Variants in ZNF704 observed in about 807,000 individuals in gnomAD.
ZNF704 encodes glucocorticoid induced gene 1.
Under a neutral mutation model 44.7 loss-of-function variants are expected in ZNF704, and 10 were observed. That is an observed-to-expected ratio of 0.22 (90% CI 0.14 to 0.38). The LOEUF is 0.38. ZNF704 is among the 10% of genes least tolerant of loss of function. ZNF704 has a pLI of 1.00. For missense variants in ZNF704, 390 were observed against 545.5 expected (o/e 0.71, Z 2.84); for synonymous variants, 211 against 207.6 (o/e 1.02, Z -0.14).
chr8:80,742,689 G>A (rs776599090), intron 2 of ZNF704, among the ~76,000 whole-genome samples: 25 of 151,978 alleles, frequency 1.6e-4, no homozygotes, highest in Non-Finnish European at 3.5e-4. Flanking sequence ...AAGATCTACC[G>A]AGGACCCCTG....
At chr8:80,703,656 G>C (rs1212913935) in intron 2 of ZNF704, among the ~76,000 whole-genome samples, 1 of 152,026 alleles carries the variant, frequency 6.6e-6, no homozygotes, top group Admixed American at 6.6e-5. Context: ...TTAAGTTTCT[G>C]TAGAGACGGG....
intron 2 of ZNF704, among the ~76,000 whole-genome samples, chr8:80,793,633 T>C (rs901660449): frequency 6.6e-6 from 1 of 152,056 alleles, no homozygotes. Context: ...AAACGGCTGG[T>C]TTATGGATGC....
chr8:80,811,413 T>A (rs1808079922), intron 2 of ZNF704, among the ~76,000 whole-genome samples: 1 of 152,234 alleles, frequency 6.6e-6, no homozygotes, highest in Non-Finnish European at 1.5e-5. Flanking sequence ...ACCTTTTTTT[T>A]TGGTGACTAG....
intron 2 of ZNF704, among the ~76,000 whole-genome samples, chr8:80,743,959 A>C (rs930823618): frequency 6.6e-6 from 1 of 152,198 alleles, no homozygotes; most frequent in African/African-American, 2.4e-5. Context: ...CTCTAAGAAA[A>C]AACAAAACTT....
chr8:80,839,778 C>T (rs1196465082), intron 1 of ZNF704, among the ~76,000 whole-genome samples: 1 of 152,174 alleles, frequency 6.6e-6, no homozygotes, highest in African/African-American at 2.4e-5. Context: ...TTCCAGCCTG[C>T]TCCTGATCCT....
intron 2 of ZNF704, among the ~76,000 whole-genome samples, chr8:80,789,439 C>T (rs1397447003): frequency 6.6e-6 from 1 of 152,128 alleles, no homozygotes; most frequent in African/African-American, 2.4e-5. Flanking sequence ...AACCCAAGAA[C>T]ACTACAAAGA....
chr8:80,726,575 T>C (rs1806483980), intron 2 of ZNF704, among the ~76,000 whole-genome samples: 1 of 152,080 alleles, frequency 6.6e-6, no homozygotes. Context: ...TGGGATTTGC[T>C]CTTAAAATAC....
At chr8:80,723,608 T>C (rs75649760) in intron 2 of ZNF704, among the ~76,000 whole-genome samples, 5,376 of 152,318 alleles carry the variant, frequency 0.035, 340 homozygotes, top group African/African-American at 0.12. Flanking sequence ...CAAATCTCTA[T>C]GGTATTTAGA....
chr8:80,702,278 C>T lies in ZNF704; in HGVS notation c.222-9171G>A, dbSNP rs182202947. Among the ~76,000 whole-genome samples, 246 of 152,266 alleles carry T rather than the reference C, an allele frequency of 1.6e-3. 3 individuals are homozygous for T. Among genetic ancestry groups the T allele is most frequent in the Non-Finnish European group, 2.1e-3 (146 of 68,030 alleles). ...TCTCTCCTCAGAAGCAGGTAGGTTTCTCTGTGGAGAGTGGAGAGGACATTG... is the reference window on the plus strand; with the variant it reads ...TCTCTCCTCAGAAGCAGGTAGGTTTTTCTGTGGAGAGTGGAGAGGACATTG... On this transcript the variant is annotated intron_variant, in intron 2 of 8. Coordinates refer to ENST00000327835, the MANE Select transcript of ZNF704 (RefSeq NM_001033723.3).
intron 1 of ZNF704, among the ~76,000 whole-genome samples, chr8:80,872,553 G>A (rs1025642124): frequency 3.9e-5 from 6 of 151,980 alleles, no homozygotes; most frequent in African/African-American, 1.5e-4. Flanking sequence ...ATGTTATTCA[G>A]CTGATTTTAG....
chr8:80,835,524 G>A (rs1167528985), intron 1 of ZNF704, among the ~76,000 whole-genome samples: 1 of 152,218 alleles, frequency 6.6e-6, no homozygotes, highest in Non-Finnish European at 1.5e-5. Context: ...AAGGAGCAGG[G>A]AGGGGACGAG....
intron 2 of ZNF704, among the ~76,000 whole-genome samples, chr8:80,795,869 G>T (rs1005811145): frequency 5.3e-5 from 8 of 152,274 alleles, no homozygotes; most frequent in African/African-American, 1.9e-4. Flanking sequence ...TACACATTGT[G>T]CAGGACTACT....
At chr8:80,726,453 G>A (rs550344044) in intron 2 of ZNF704, among the ~76,000 whole-genome samples, 1 of 152,184 alleles carries the variant, frequency 6.6e-6, no homozygotes, top group South Asian at 2.1e-4. Flanking sequence ...TAATAATGAA[G>A]AACTATTTTA....
At chr8:80,868,396 C>G (rs75389256) in intron 1 of ZNF704, among the ~76,000 whole-genome samples, 5,479 of 152,286 alleles carry the variant, frequency 0.036, 339 homozygotes, top group African/African-American at 0.13. Context: ...TTAGTAGCAT[C>G]TATCTCTGTT....
intron 2 of ZNF704, among the ~76,000 whole-genome samples, chr8:80,761,761 A>C (rs1483005296): frequency 6.6e-6 from 1 of 152,242 alleles, no homozygotes; most frequent in Non-Finnish European, 1.5e-5. Flanking sequence ...TGGGTGTAAA[A>C]GTTATGAGAA....
intron 2 of ZNF704, among the ~76,000 whole-genome samples, chr8:80,784,786 C>G (rs1448305960): frequency 2.0e-5 from 3 of 152,112 alleles, no homozygotes; most frequent in East Asian, 1.9e-4. Context: ...TGGAGTTTGT[C>G]TTTGCTGTTG....
At chr8:80,652,085 T>TG (rs1817930555) in intron 7 of ZNF704, among the ~76,000 whole-genome samples, 1 of 152,130 alleles carries the variant, frequency 6.6e-6, no homozygotes, top group Non-Finnish European at 1.5e-5. Flanking sequence ...CATCACGAAA[T>TG]GAAGGCAGAA....
At position 80,736,420 on chromosome 8, in the gene ZNF704, C is replaced by T. The variant is rs1806666574; in HGVS notation, c.222-43313G>A. ...TCAGCCTCCCGAGTAGCTGGGATTA[C>T]AGGCACGCGCCACCACGCCCAGCTA... On this transcript the variant is annotated intron_variant, in intron 2 of 8. Transcript: ENST00000327835. Among the ~76,000 whole-genome samples, 5 of 152,316 alleles carry T rather than the reference C, an allele frequency of 3.3e-5. No homozygotes were observed. In the South Asian group the frequency reaches 1.0e-3, roughly 32 times the overall value.
At chr8:80,796,275 G>A (rs1807799467) in intron 2 of ZNF704, among the ~76,000 whole-genome samples, 1 of 152,158 alleles carries the variant, frequency 6.6e-6, no homozygotes, top group African/African-American at 2.4e-5. Context: ...ACGTGTTGAG[G>A]GGCCTGAGTG....
Sources: gnomAD v4.1 joint callset for allele counts (sites outside exome capture counted in the v4.1 genomes callset) on GRCh38, gnomAD v4.1.1 for gene constraint, MANE v1.5 for transcripts, NCBI Gene and HGNC (gene_info 2026-07-23, HGNC 2026-07-21) for gene names.